ZAP70: variants seen among roughly 807,000 people sequenced by gnomAD.
ZAP70 encodes tyrosine-protein kinase ZAP-70.
Under a neutral mutation model 65.8 loss-of-function variants are expected in ZAP70, and 27 were observed. The ratio of observed to expected loss-of-function variants is 0.41; its 90% CI spans 0.30 to 0.57. The LOEUF is 0.57. ZAP70 is among the 20% of genes least tolerant of loss of function. The probability of loss-of-function intolerance (pLI) is 0.28; values close to 1 mark genes in which losing one functional copy is unlikely to be tolerated. For missense variants in ZAP70, 696 were observed against 870.5 expected (o/e 0.80, Z 2.52); for synonymous variants, 363 against 360.8 (o/e 1.01, Z -0.07).
At chr2:97,738,182 T>G in intron 13 of ZAP70, 75 bp downstream of exon 13, 3 of 1,379,288 alleles carry the variant, frequency 2.2e-6, no homozygotes, top group Non-Finnish European at 3.0e-6. Flanking sequence ...TTGATGTCAA[T>G]ATAACTCTAC....
At chr2:97,745,931 A>C in the ZAP70 span, among the ~76,000 whole-genome samples, 1 of 152,256 alleles carries the variant, frequency 6.6e-6, no homozygotes, top group Non-Finnish European at 1.5e-5. Context: ...TGAATGGATA[A>C]ACAAAATGAG....
chr2:97,739,327 G>C, intron 13 of ZAP70, 48 bp from the exon 14 acceptor site: 1 of 1,608,664 alleles, frequency 6.2e-7, no homozygotes, highest in Non-Finnish European at 8.5e-7. Flanking sequence ...GGTGAAGCTG[G>C]GTCCTGGGGG....
At chr2:97,734,103 T>C (rs1190298240) in intron 8 of ZAP70, 1 of 290,506 alleles carries the variant, frequency 3.4e-6, no homozygotes, top group Non-Finnish European at 6.6e-6. Flanking sequence ...CCTGAACATG[T>C]GTATGCACAG....
chr2:97,734,817 T>A (rs1677784584), intron 9 of ZAP70, 105 bp downstream of exon 9: 8 of 1,469,222 alleles, frequency 5.4e-6, no homozygotes, highest in Admixed American at 3.5e-5. Context: ...CACAGCAGTT[T>A]GCCTGGGAAA....
rs56688476 is a variant in ZAP70, at chr2:97,731,054, CAA to C, written c.564-1809_564-1808del. Among the ~76,000 whole-genome samples the C allele has an allele frequency of 1.3e-4, 7 of 52,414 alleles. No homozygotes were observed. Among genetic ancestry groups the C allele is most frequent in the Admixed American group, 2.0e-4 (1 of 4,892 alleles). The allele number at this position is 52,414 out of a possible 152,430, so 34.4% of individuals were successfully genotyped here. A position where few individuals can be genotyped will look rare whatever the true frequency, so the allele number is the denominator to read the frequency against. ...CGGGCTGTGGAGCGAGACTCGGTCT[CAA>C]AAAAAAAAAAAAAAAAAAAGAGACA... On this transcript the variant is annotated intron_variant, in intron 4 of 13. Coordinates refer to ENST00000264972, the MANE Select transcript of ZAP70 (RefSeq NM_001079.4). The surrounding 1 kb of genome is among the most constrained non-coding windows in gnomAD (Gnocchi z 4.0).
chr2:97,724,253 G>T lies in ZAP70; in HGVS notation c.217G>T (p.Gly73Cys), dbSNP rs982662914. The T allele has an allele frequency of 6.2e-7, 1 of 1,604,900 alleles. No individual in the cohort carries two copies. Among genetic ancestry groups the T allele is most frequent in the Admixed American group, 1.7e-5 (1 of 59,552 alleles). The change falls in exon 3 of 14, where the codon GGC becomes TGC. Residue 73 changes from glycine to cysteine, a missense_variant. By Grantham distance (159) the Gly-to-Cys change is radical (BLOSUM62 -3). Coordinates refer to ENST00000264972, the MANE Select transcript of ZAP70 (RefSeq NM_001079.4). ...RQLNGTYAIAGGKAHCGPAEL... is the reference protein window; with the variant it reads ...RQLNGTYAIACGKAHCGPAEL... ...GCTCAACGGCACCTACGCCATTGCC[G>T]GCGGCAAAGCGCACTGTGGACCGGC...
At chr2:97,746,638 T>G in the ZAP70 span, among the ~76,000 whole-genome samples, 1 of 152,318 alleles carries the variant, frequency 6.6e-6, no homozygotes, top group East Asian at 1.9e-4. Context: ...CTGTTGTTGA[T>G]GAATTACCCA....
At chr2:97,738,758 T>C (rs753015274) in intron 13 of ZAP70, among the ~76,000 whole-genome samples, 6 of 151,876 alleles carry the variant, frequency 4.0e-5, no homozygotes, top group Non-Finnish European at 7.4e-5. Flanking sequence ...GCCCAACAGA[T>C]AGACACCCTC....
In ZAP70 at chr2:97,737,698, T is replaced by A. The variant is rs757588248; in HGVS notation, c.1482+33T>A. On this transcript the variant is annotated intron_variant, in intron 11 of 13. Coordinates refer to ENST00000264972, the MANE Select transcript of ZAP70 (RefSeq NM_001079.4). This position sits in a 1 kb window ranked among gnomAD's most constrained non-coding sequence, Gnocchi z 5.0. The stretch of plus-strand genomic sequence containing the variant: ...TCTGCCCCTGTGATGCCCGACTGGA[T>A]GGGCTGGGTGGGTAGAGGGTCCCTG... The A allele has an allele frequency of 1.2e-6, 2 of 1,613,944 alleles. No homozygotes were observed. The highest frequency in any genetic ancestry group is 2.7e-5 in the African/African-American group (2 of 74,920).
chr2:97,733,772 T>A, intron 8 of ZAP70, 177 bp downstream of exon 8: 1 of 745,784 alleles, frequency 1.3e-6, no homozygotes, highest in Non-Finnish European at 2.3e-6. Flanking sequence ...CCTGTGCACA[T>A]GTACGTCCCA....
chr2:97,715,616 A>G lies in ZAP70; in HGVS notation c.-22+1622A>G, dbSNP rs1559314772. Among the ~76,000 whole-genome samples, 1 of 152,168 alleles carries G rather than the reference A, an allele frequency of 6.6e-6. No individual in the cohort carries two copies. The highest frequency in any genetic ancestry group is 1.5e-5 in the Non-Finnish European group (1 of 68,036). ...TGACCCCGCACCAGCCCAGCTCTCCAGGGTCTCCTAATAGACATTTGCTGG... is the reference window on the plus strand; with the variant it reads ...TGACCCCGCACCAGCCCAGCTCTCCGGGGTCTCCTAATAGACATTTGCTGG... On this transcript the variant is annotated intron_variant, in intron 2 of 13. Transcript: ENST00000264972. This position sits in a 1 kb window ranked among gnomAD's most constrained non-coding sequence, Gnocchi z 4.1.
chr2:97,738,589 A>C, intron 13 of ZAP70: 1 of 222,660 alleles, frequency 4.5e-6, no homozygotes, highest in Non-Finnish European at 9.1e-6. Context: ...AGACATCTCA[A>C]CTCCTAACAC....
At chr2:97,733,762 C>A in intron 8 of ZAP70, 167 bp downstream of exon 8, 1 of 793,304 alleles carries the variant, frequency 1.3e-6, no homozygotes. Context: ...ATCACACCTG[C>A]CTGTGCACAT....
chr2:97,745,462 C>T, the ZAP70 span, among the ~76,000 whole-genome samples: 96 of 152,328 alleles, frequency 6.3e-4, 3 homozygotes, highest in East Asian at 0.016. Context: ...AGAATTCCTA[C>T]AATCCAACAA....
chr2:97,733,765 G>C, intron 8 of ZAP70, 170 bp downstream of exon 8: 1 of 780,462 alleles, frequency 1.3e-6, no homozygotes, highest in East Asian at 2.6e-5. Flanking sequence ...ACACCTGCCT[G>C]TGCACATGTA....
downstream of ZAP70, among the ~76,000 whole-genome samples, chr2:97,742,024 A>G (rs1318093122): frequency 6.6e-6 from 1 of 152,188 alleles, no homozygotes; most frequent in Non-Finnish European, 1.5e-5. Context: ...ACCGTAAAGA[A>G]AGTATCCCAG....
Position 97,736,128 on chromosome 2 carries a change from T to A in ZAP70, c.1289+672T>A, listed in dbSNP as rs1326784820. 2.0e-5 allele frequency among the ~76,000 whole-genome samples: 3 copies of A among 152,216 alleles called. No homozygotes were observed. Among genetic ancestry groups the A allele is most frequent in the Non-Finnish European group, 4.4e-5 (3 of 68,032 alleles). On this transcript the variant is annotated intron_variant, in intron 10 of 13. Coordinates refer to ENST00000264972, the MANE Select transcript of ZAP70 (RefSeq NM_001079.4). This position sits in a 1 kb window ranked among gnomAD's most constrained non-coding sequence, Gnocchi z 4.0. ...CCCTGGGAAAGTGCCCATTGCCAGT[T>A]ATCTGGAACCTGCCCTTTGTTTACG... is the stretch of plus-strand genomic sequence containing the variant.
Position 97,725,224 on chromosome 2 carries a change from T to G in ZAP70, c.535T>G (p.Ser179Ala), listed in dbSNP as rs756495134. ...TREEAERKLY[S>A]GAQTDGKFLL... ...TGAGGAGGCCGAGCGCAAACTTTAC[T>G]CTGGGGCGCAGACCGACGGCAAGTT... The change falls in exon 4 of 14, where the codon TCT (serine) becomes GCT (alanine). Residue 179 changes from serine (S) to alanine (A), a missense_variant. By Grantham distance (99) the Ser-to-Ala change is moderately conservative. Coordinates refer to ENST00000264972, the MANE Select transcript of ZAP70 (RefSeq NM_001079.4). 6.2e-7 allele frequency: 1 copy of G among 1,613,908 alleles called. No individual in the cohort carries two copies. The highest frequency in any genetic ancestry group is 1.7e-5 in the Admixed American group (1 of 60,026).
At chr2:97,745,992 G>A in the ZAP70 span, among the ~76,000 whole-genome samples, 1 of 152,220 alleles carries the variant, frequency 6.6e-6, no homozygotes, top group African/African-American at 2.4e-5. Flanking sequence ...TTATCCAGCT[G>A]AAACAAGAGG....
Sources: allele counts gnomAD v4.1 joint callset (sites outside exome capture counted in the v4.1 genomes callset), GRCh38; gene constraint gnomAD v4.1.1; non-coding constraint Gnocchi (gnomAD v3.1); transcripts MANE v1.5; gene names NCBI Gene and HGNC (gene_info 2026-07-23, HGNC 2026-07-21).